Variants in ADAMTSL1 observed in about 807,000 individuals in gnomAD.
The protein encoded by ADAMTSL1 is ADAMTS-like protein 1.
A neutral mutation model predicts 201.8 loss-of-function variants in ADAMTSL1; 126 were observed. The ratio of observed to expected loss-of-function variants is 0.62; its 90% CI spans 0.54 to 0.72. ADAMTSL1 has a LOEUF of 0.72. Ranked by LOEUF, ADAMTSL1 falls within the 30% of genes least tolerant of loss-of-function variation. The probability of loss-of-function intolerance (pLI) is 0.00; values close to 1 mark genes in which losing one functional copy is unlikely to be tolerated. For missense variants in ADAMTSL1, 2,679 were observed against 2,277.8 expected, an observed-to-expected ratio of 1.18 and a Z score of -3.59; for synonymous variants, 1,121 against 903.4, an observed-to-expected ratio of 1.24 and a Z score of -4.32.
chr9:18,730,317 AAG>A (rs765484829), intron 15 of ADAMTSL1, among the ~76,000 whole-genome samples: 2 of 152,260 alleles, frequency 1.3e-5, no homozygotes, highest in East Asian at 3.8e-4. Context: ...GGTAGAGAAA[AAG>A]AGATGTTTAA....
chr9:18,789,541 GTATT>G (rs1006148737), intron 19 of ADAMTSL1, among the ~76,000 whole-genome samples: 10 of 152,276 alleles, frequency 6.6e-5, no homozygotes, highest in South Asian at 4.1e-4. Context: ...TATTTATTAT[GTATT>G]TATTTAGTGT....
chr9:18,324,703 G>A (rs1834760074), intron 2 of ADAMTSL1, among the ~76,000 whole-genome samples: 1 of 151,478 alleles, frequency 6.6e-6, no homozygotes, highest in African/African-American at 2.4e-5. Flanking sequence ...GGCGGAGATT[G>A]CAGTGAGCTG....
rs1395668016 is a variant in ADAMTSL1 at position 18,892,391 on chromosome 9, G to A, written c.4646G>A (p.Trp1549Ter). 1 of 1,611,790 alleles carries A rather than the reference G, an allele frequency of 6.2e-7. No individual in the cohort carries two copies. The highest frequency in any genetic ancestry group is 8.5e-7 in the Non-Finnish European group (1 of 1,179,270). ...CTGACACTTCTTCCTCTCCCCAGGT[G>A]GATGGTGACCTCCTGGTCTGCCTGT... ...ACNRRDCPSR[W>*]MVTSWSACTR... Residue 1549 changes from tryptophan (W) to a stop codon, truncating the protein, a stop_gained and splice_region_variant, in exon 26 of 29, where the codon TGG (tryptophan) becomes TAG (stop). Transcript: ENST00000380548. LOFTEE classifies it high-confidence loss of function.
intron 17 of ADAMTSL1, among the ~76,000 whole-genome samples, chr9:18,773,124 C>T (rs1235222865): frequency 2.0e-5 from 3 of 152,120 alleles, no homozygotes; most frequent in African/African-American, 4.8e-5. Context: ...ATGAGACTGC[C>T]CTTGGAGAAG....
At chr9:18,082,176 C>T (rs574152541) in intron 1 of ADAMTSL1, among the ~76,000 whole-genome samples, 10 of 152,062 alleles carry the variant, frequency 6.6e-5, no homozygotes, top group South Asian at 2.1e-4. Context: ...TATATAAAGG[C>T]GGAACAATAG....
At chr9:18,082,328 G>T (rs910840304) in intron 1 of ADAMTSL1, among the ~76,000 whole-genome samples, 4 of 152,030 alleles carry the variant, frequency 2.6e-5, no homozygotes, top group Non-Finnish European at 5.9e-5. Flanking sequence ...TAGATTAAAC[G>T]ACCATTTTTT....
intron 1 of ADAMTSL1, among the ~76,000 whole-genome samples, chr9:17,993,927 G>C (rs1028834549): frequency 6.6e-6 from 1 of 151,988 alleles, no homozygotes; most frequent in African/African-American, 2.4e-5. Context: ...GTGGGAGATG[G>C]TTTTCTTTAT....
At chr9:18,606,363 T>A (rs1436653533) in intron 4 of ADAMTSL1, among the ~76,000 whole-genome samples, 1 of 152,326 alleles carries the variant, frequency 6.6e-6, no homozygotes, top group East Asian at 1.9e-4. Flanking sequence ...TGAGTGCCTT[T>A]AGCTTGGTGC....
intron 1 of ADAMTSL1, among the ~76,000 whole-genome samples, chr9:17,942,209 T>C (rs1303159225): frequency 6.6e-6 from 1 of 152,076 alleles, no homozygotes; most frequent in South Asian, 2.1e-4. Flanking sequence ...GATGAAAAAG[T>C]TCTGTAAATG....
intron 10 of ADAMTSL1, 25 bp from the exon 11 acceptor site, chr9:18,680,287 C>T (rs1830385193): frequency 1.1e-5 from 18 of 1,610,388 alleles, no homozygotes; most frequent in Non-Finnish European, 1.4e-5. Flanking sequence ...CATGTCTGCC[C>T]TGATGACTCC....
intron 2 of ADAMTSL1, among the ~76,000 whole-genome samples, chr9:18,257,898 G>T (rs1587411874): frequency 6.6e-6 from 1 of 152,170 alleles, no homozygotes; most frequent in Admixed American, 6.5e-5. Context: ...ATTATAGAAG[G>T]CACCTAGAAT....
intron 23 of ADAMTSL1, among the ~76,000 whole-genome samples, chr9:18,859,126 G>C (rs1340428794): frequency 6.6e-6 from 1 of 152,184 alleles, no homozygotes; most frequent in African/African-American, 2.4e-5. Context: ...AGATTTAGTG[G>C]CTTAAAACAA....
At chr9:18,905,522 T>C (rs370236139) in intron 26 of ADAMTSL1, 1 of 484,392 alleles carries the variant, frequency 2.1e-6, no homozygotes, top group Non-Finnish European at 3.8e-6. Flanking sequence ...TGAGAGGAGC[T>C]TGACGTTCTC....
At chr9:18,008,105 T>A (rs1035243395) in intron 1 of ADAMTSL1, among the ~76,000 whole-genome samples, 2 of 152,040 alleles carry the variant, frequency 1.3e-5, no homozygotes, top group Admixed American at 1.3e-4. Context: ...ATTTAGGTCA[T>A]GTTAGACATG....
rs187662315 is a variant in ADAMTSL1, at chr9:17,999,534, C to T, written c.87+92612C>T. On this transcript the variant is annotated intron_variant, in intron 1 of 29. Coordinates refer to the ADAMTSL1 transcript ENST00000680146. ...AATACTATGCTCTATTGAGATTTGG[C>T]TTCAAGCTGTCCAATAATCCTCATC... Among the ~76,000 whole-genome samples, 474 of 152,038 alleles carry T rather than the reference C, an allele frequency of 3.1e-3. 3 individuals carry two copies. The highest frequency in any genetic ancestry group is 0.011 in the African/African-American group (461 of 41,510).
At chr9:18,853,918 T>TGTGTGTGTGTGGGTGCGCGC (rs139332733) in intron 23 of ADAMTSL1, among the ~76,000 whole-genome samples, 1 of 145,382 alleles carries the variant, frequency 6.9e-6, no homozygotes, top group South Asian at 2.2e-4. Context: ...TGTGTGTGTG[T>TGTGTGTGTGTGGGTGCGCGC]GCGCGTGCAT....
At chr9:18,653,867 A>G (rs1447780170) in intron 7 of ADAMTSL1, among the ~76,000 whole-genome samples, 2 of 152,252 alleles carry the variant, frequency 1.3e-5, no homozygotes, top group African/African-American at 4.8e-5. Flanking sequence ...CATAGTAAGT[A>G]GCATTTTGGC....
intron 7 of ADAMTSL1, among the ~76,000 whole-genome samples, chr9:18,640,652 T>C (rs1215475068): frequency 6.6e-6 from 1 of 151,986 alleles, no homozygotes; most frequent in Non-Finnish European, 1.5e-5. Context: ...TGCTTTATCA[T>C]CTTTATTTTT....
intron 2 of ADAMTSL1, among the ~76,000 whole-genome samples, chr9:18,318,601 G>A (rs1296403148): frequency 6.6e-6 from 1 of 152,172 alleles, no homozygotes; most frequent in Non-Finnish European, 1.5e-5. Flanking sequence ...CTGACCAGAG[G>A]AGAGAAGGAT....
Sources: gnomAD v4.1 joint callset for allele counts (sites outside exome capture counted in the v4.1 genomes callset) on GRCh38, gnomAD v4.1.1 for gene constraint, MANE v1.5 for transcripts, NCBI Gene and HGNC (gene_info 2026-07-23, HGNC 2026-07-21) for gene names.